ITGA9: variants seen among roughly 807,000 people sequenced by gnomAD.
ITGA9 encodes integrin alpha-9.
In ITGA9, 56 loss-of-function variants were observed where a neutral mutation model predicts 127.8. The observed-to-expected ratio is 0.44, with a 90% CI of 0.35 to 0.55. ITGA9 has a LOEUF of 0.55. Ranked by LOEUF, ITGA9 falls within the 20% of genes least tolerant of loss-of-function variation. The pLI is 0.00. For missense variants in ITGA9, 1,196 were observed against 1,347.1 expected (o/e 0.89, Z 1.76); for synonymous variants, 508 against 514.5 (o/e 0.99, Z 0.17).
At chr3:37,602,302 T>G (rs1347433965) in intron 15 of ITGA9, among the ~76,000 whole-genome samples, 1 of 152,188 alleles carries the variant, frequency 6.6e-6, no homozygotes, top group African/African-American at 2.4e-5. Context: ...TGTTCTTATA[T>G]CCCATCAGTT....
At chr3:37,789,221 C>G (rs1210007865) in intron 26 of ITGA9, among the ~76,000 whole-genome samples, 3 of 152,100 alleles carry the variant, frequency 2.0e-5, no homozygotes, top group African/African-American at 7.2e-5. Flanking sequence ...AACTAAACAC[C>G]TAACTTGGAA....
chr3:37,577,992 AT>A (rs941692956), intron 15 of ITGA9, among the ~76,000 whole-genome samples: 2 of 152,240 alleles, frequency 1.3e-5, no homozygotes, highest in Non-Finnish European at 2.9e-5. Context: ...TTTTTAAAAA[AT>A]AATGTAGTTT....
At chr3:37,460,106 TC>T (rs372292450) in intron 1 of ITGA9, among the ~76,000 whole-genome samples, 1 of 151,900 alleles carries the variant, frequency 6.6e-6, no homozygotes, top group East Asian at 1.9e-4. Flanking sequence ...TTTGTTACTA[TC>T]CCCCCATCCA....
intron 23 of ITGA9, among the ~76,000 whole-genome samples, chr3:37,757,672 C>A (rs1358665856): frequency 6.6e-6 from 1 of 151,326 alleles, no homozygotes; most frequent in Non-Finnish European, 1.5e-5. Context: ...ACAAAAAAAT[C>A]TTTTCAATTT....
At chr3:37,582,440 A>C (rs1480898385) in intron 15 of ITGA9, among the ~76,000 whole-genome samples, 3 of 152,192 alleles carry the variant, frequency 2.0e-5, no homozygotes, top group Non-Finnish European at 4.4e-5. Flanking sequence ...AAGATGGCTA[A>C]ATGTATATGG....
At chr3:37,470,322 A>G (rs1481051886) in intron 1 of ITGA9, among the ~76,000 whole-genome samples, 1 of 152,070 alleles carries the variant, frequency 6.6e-6, no homozygotes, top group Non-Finnish European at 1.5e-5. Context: ...TTAATGGTTT[A>G]TACTGCCACT....
intron 22 of ITGA9, among the ~76,000 whole-genome samples, chr3:37,750,181 A>G (rs373890264): frequency 1.3e-5 from 2 of 152,254 alleles, no homozygotes; most frequent in African/African-American, 4.8e-5. Context: ...ATTCCTATGC[A>G]TGTAAAAAGA....
chr3:37,619,405 T>C (rs1056710762), intron 15 of ITGA9, among the ~76,000 whole-genome samples: 1 of 152,164 alleles, frequency 6.6e-6, no homozygotes, highest in African/African-American at 2.4e-5. Flanking sequence ...GGGGGAGTGC[T>C]CTCAGAAGTG....
intron 17 of ITGA9, among the ~76,000 whole-genome samples, chr3:37,674,674 A>G (rs1232517372): frequency 1.3e-5 from 2 of 152,208 alleles, no homozygotes; most frequent in Non-Finnish European, 2.9e-5. Context: ...CTTTAAGAAC[A>G]GTTGCCAGTC....
At chr3:37,470,145 T>TTG (rs1205326542) in intron 1 of ITGA9, among the ~76,000 whole-genome samples, 4 of 150,736 alleles carry the variant, frequency 2.7e-5, no homozygotes, top group African/African-American at 7.3e-5. Flanking sequence ...TTCTTGTTTT[T>TTG]TTTTTTTTTT....
chr3:37,741,954 C>G, intron 21 of ITGA9, 135 bp downstream of exon 21: 1 of 734,676 alleles, frequency 1.4e-6, no homozygotes, highest in South Asian at 1.5e-5. Flanking sequence ...CCTTGAAAAG[C>G]AGGATGAAGC....
intron 13 of ITGA9, among the ~76,000 whole-genome samples, chr3:37,530,356 G>A (rs957026607): frequency 1.3e-5 from 2 of 152,210 alleles, no homozygotes; most frequent in Non-Finnish European, 2.9e-5. Context: ...CCACGCATGT[G>A]CAAGCACACA....
intron 15 of ITGA9, among the ~76,000 whole-genome samples, chr3:37,548,464 A>G (rs267532): frequency 0.44 from 67,129 of 152,030 alleles, 15,743 homozygotes; most frequent in East Asian, 0.72. Flanking sequence ...TTATATCTCA[A>G]TCAAACTTAT....
At chr3:37,770,549 C>G (rs915772869) in intron 23 of ITGA9, among the ~76,000 whole-genome samples, 1 of 152,200 alleles carries the variant, frequency 6.6e-6, no homozygotes, top group Non-Finnish European at 1.5e-5. Flanking sequence ...GTTTATCTGA[C>G]CACCTCAGCC....
At chr3:37,532,226 C>T (rs943426951) in intron 13 of ITGA9, among the ~76,000 whole-genome samples, 12 of 152,234 alleles carry the variant, frequency 7.9e-5, no homozygotes, top group African/African-American at 2.7e-4. Flanking sequence ...TCTCTGTTGA[C>T]CCCATCTCCC....
intron 15 of ITGA9, among the ~76,000 whole-genome samples, chr3:37,609,884 C>G (rs1330030349): frequency 6.6e-6 from 1 of 152,178 alleles, no homozygotes; most frequent in Non-Finnish European, 1.5e-5. Flanking sequence ...GAATTGGACC[C>G]TACATTTGAT....
At chr3:37,613,974 TC>T (rs1339810993) in intron 15 of ITGA9, among the ~76,000 whole-genome samples, 1 of 152,270 alleles carries the variant, frequency 6.6e-6, no homozygotes, top group Non-Finnish European at 1.5e-5. Context: ...TTCAATTAGA[TC>T]CCATTTGTCA....
intron 18 of ITGA9, among the ~76,000 whole-genome samples, chr3:37,727,544 T>C (rs1023784548): frequency 2.6e-5 from 4 of 152,248 alleles, no homozygotes; most frequent in African/African-American, 9.6e-5. Flanking sequence ...ATTGTAATTA[T>C]AATTGTCAAA....
chr3:37,488,685 C>T (rs1324010264), intron 4 of ITGA9, among the ~76,000 whole-genome samples: 1 of 151,706 alleles, frequency 6.6e-6, no homozygotes, highest in African/African-American at 2.4e-5. Context: ...GTAATCCCAG[C>T]TACTTGGGAG....
Sources: allele counts gnomAD v4.1 joint callset (sites outside exome capture counted in the v4.1 genomes callset), GRCh38; gene constraint gnomAD v4.1.1; transcripts MANE v1.5; gene names NCBI Gene and HGNC (gene_info 2026-07-23, HGNC 2026-07-21).